Variants in CSMD2 observed in about 807,000 individuals in gnomAD.
The protein encoded by CSMD2 is CUB and sushi domain-containing protein 2.
In CSMD2, 130 loss-of-function variants were observed where a neutral mutation model predicts 398.5. The observed-to-expected ratio is 0.33, with a 90% CI of 0.28 to 0.38. CSMD2 has a LOEUF of 0.38. Among genes scored for constraint, CSMD2 ranks in the 10% least tolerant of loss-of-function variants. CSMD2 has a pLI of 1.00. For missense variants in CSMD2, 3,829 were observed against 4,764.9 expected (o/e 0.80, Z 5.78); for synonymous variants, 1,828 against 1,908.5 (o/e 0.96, Z 1.10).
intron 2 of CSMD2, among the ~76,000 whole-genome samples, chr1:34,033,545 A>C (rs1045218320): frequency 6.6e-6 from 1 of 152,228 alleles, no homozygotes; most frequent in African/African-American, 2.4e-5. Flanking sequence ...CTGGGCATCC[A>C]TGCCTGGTGA....
intron 1 of CSMD2, among the ~76,000 whole-genome samples, chr1:34,114,187 C>T (rs1661373928): frequency 6.6e-6 from 1 of 152,140 alleles, no homozygotes; most frequent in Admixed American, 6.5e-5. Flanking sequence ...TAAGAAAGTA[C>T]ACATGCAAGC....
chr1:33,698,902 A>G lies in CSMD2; in HGVS notation c.3776T>C (p.Phe1259Ser). ...ACCTTCATCATGAACCTTGTAGCCAAACTTGGGGGTTCCTGGGTCCTCACA... is the reference window on the plus strand; with the variant it reads ...ACCTTCATCATGAACCTTGTAGCCAGACTTGGGGGTTCCTGGGTCCTCACA... The part of the protein sequence containing the change: ...IKCEDPGTPK[F>S]GYKVHDEGHF... Residue 1259 changes from phenylalanine (F) to serine (S), a missense_variant, in exon 24 of 71, where the codon TTT becomes TCT. Coordinates refer to ENST00000373381, the MANE Select transcript of CSMD2 (RefSeq NM_001281956.2). 2 of 1,614,126 alleles carry G rather than the reference A, an allele frequency of 1.2e-6. No homozygotes were observed. The highest frequency in any genetic ancestry group is 1.1e-5 in the South Asian group (1 of 91,064).
At chr1:33,610,959 A>G in intron 41 of CSMD2, 82 bp downstream of exon 41, 4 of 1,363,998 alleles carry the variant, frequency 2.9e-6, no homozygotes, top group Non-Finnish European at 4.1e-6. Flanking sequence ...GTTTTCCCCC[A>G]CATGGAAGGC....
chr1:33,557,121 T>A (rs1658068912), intron 55 of CSMD2, among the ~76,000 whole-genome samples: 1 of 152,222 alleles, frequency 6.6e-6, no homozygotes, highest in Non-Finnish European at 1.5e-5. Context: ...AGCTACTATG[T>A]ACCAGATACT....
In CSMD2 at chr1:34,067,464, C is replaced by T. The variant is rs567254442; in HGVS notation, c.404+21513G>A. On this transcript the variant is annotated intron_variant, in intron 2 of 70. Coordinates refer to ENST00000373381, the MANE Select transcript of CSMD2 (RefSeq NM_001281956.2). The stretch of plus-strand genomic sequence containing the variant: ...ACAAACTCTACAAAGGATGGGCCAA[C>T]GGCTTGTACATAAGAAACCAATATT... Among the ~76,000 whole-genome samples, 66 of 152,256 alleles carry T rather than the reference C, an allele frequency of 4.3e-4. 1 individual carries two copies. The highest frequency in any genetic ancestry group is 1.3e-3 in the African/African-American group (52 of 41,562).
chr1:33,938,427 T>C (rs111821787), intron 3 of CSMD2, among the ~76,000 whole-genome samples: 2,002 of 50,998 alleles, frequency 0.039, 31 homozygotes, highest in African/African-American at 0.14. Context: ...TGATCCCATG[T>C]TGCTGGCTTA....
At chr1:33,728,637 T>C (rs1646621683) in intron 15 of CSMD2, among the ~76,000 whole-genome samples, 1 of 152,214 alleles carries the variant, frequency 6.6e-6, no homozygotes, top group Non-Finnish European at 1.5e-5. Flanking sequence ...TCAAGACTTC[T>C]GTCTCTAAAT....
intron 13 of CSMD2, among the ~76,000 whole-genome samples, chr1:33,752,127 G>A (rs1031358535): frequency 1.2e-4 from 18 of 152,106 alleles, no homozygotes; most frequent in African/African-American, 2.9e-4. Flanking sequence ...ATTGCAACCC[G>A]TTATTAGCTG....
intron 2 of CSMD2, among the ~76,000 whole-genome samples, chr1:34,055,332 G>C (rs1322689135): frequency 6.6e-6 from 1 of 152,168 alleles, no homozygotes; most frequent in African/African-American, 2.4e-5. Flanking sequence ...GTGGATGCAG[G>C]CTGGATGTCC....
intron 53 of CSMD2, among the ~76,000 whole-genome samples, chr1:33,560,676 C>T (rs1480463884): frequency 6.6e-6 from 1 of 152,220 alleles, no homozygotes; most frequent in Non-Finnish European, 1.5e-5. Flanking sequence ...AGGTCCCTTG[C>T]TCTGCTCAAC....
chr1:33,750,708 TTGAA>T (rs1648105672), intron 13 of CSMD2, among the ~76,000 whole-genome samples: 2 of 152,162 alleles, frequency 1.3e-5, no homozygotes, highest in Non-Finnish European at 2.9e-5. Flanking sequence ...AAGGGGGCTT[TTGAA>T]ATTAGCAGAG....
intron 51 of CSMD2, 63 bp downstream of exon 51, chr1:33,571,469 C>T (rs1223533603): frequency 6.2e-6 from 8 of 1,293,424 alleles, no homozygotes; most frequent in Admixed American, 5.3e-5. Flanking sequence ...TCACTCCATG[C>T]ATGAGACAGC....
rs552986148 is a variant in CSMD2, at chr1:34,008,139, T to C, written c.517+24455A>G. Among the ~76,000 whole-genome samples, 15 of 152,346 alleles carry C rather than the reference T, an allele frequency of 9.8e-5. No individual in the cohort carries two copies. In the South Asian group the frequency reaches 3.1e-3, roughly 32 times the overall value. ...ATCTGTCACTGGCTCCAACTCCAAGTGGGCACAGGTGAAAAATAAAACCAC... is the reference window on the plus strand; with the variant it reads ...ATCTGTCACTGGCTCCAACTCCAAGCGGGCACAGGTGAAAAATAAAACCAC... On this transcript the variant is annotated intron_variant, in intron 3 of 70. Transcript: ENST00000373381.
intron 2 of CSMD2, among the ~76,000 whole-genome samples, chr1:34,048,639 T>C (rs1652820969): frequency 1.3e-5 from 2 of 152,164 alleles, no homozygotes; most frequent in Non-Finnish European, 2.9e-5. Flanking sequence ...GTCTTCTCCT[T>C]ACCTGCTCTG....
chr1:33,577,265 C>T, intron 49 of CSMD2, 31 bp downstream of exon 49: 1 of 1,570,824 alleles, frequency 6.4e-7, no homozygotes. Context: ...ATCCGAGCTA[C>T]CTTGTGACCC....
chr1:34,111,877 G>A (rs561827055), intron 1 of CSMD2, among the ~76,000 whole-genome samples: 1 of 152,200 alleles, frequency 6.6e-6, no homozygotes, highest in African/African-American at 2.4e-5. Context: ...TTCTCAACTA[G>A]ACACGACTCC....
At chr1:33,666,234 C>A (rs1445339587) in intron 25 of CSMD2, among the ~76,000 whole-genome samples, 1 of 152,098 alleles carries the variant, frequency 6.6e-6, no homozygotes, top group East Asian at 1.9e-4. Context: ...TTTAGATAAA[C>A]TTTATGGTTA....
chr1:33,971,380 G>A (rs1645758713), intron 3 of CSMD2, among the ~76,000 whole-genome samples: 1 of 152,240 alleles, frequency 6.6e-6, no homozygotes. Flanking sequence ...CCGGCCTTAT[G>A]GTGGGGCAGC....
chr1:33,692,791 G>T, intron 25 of CSMD2, 139 bp downstream of exon 25: 2 of 1,085,998 alleles, frequency 1.8e-6, no homozygotes, highest in Non-Finnish European at 2.7e-6. Context: ...AAGGCATCCA[G>T]TATAGCAACC....
Sources: gnomAD v4.1 joint callset for allele counts (sites outside exome capture counted in the v4.1 genomes callset) on GRCh38, gnomAD v4.1.1 for gene constraint, MANE v1.5 for transcripts, NCBI Gene and HGNC (gene_info 2026-07-23, HGNC 2026-07-21) for gene names.